The following NAALADL2 variants were observed in gnomAD, a reference collection of about 807,000 sequenced individuals.
NAALADL2 encodes the protein inactive N-acetylated-alpha-linked acidic dipeptidase-like protein 2.
A neutral mutation model predicts 87.2 loss-of-function variants in NAALADL2; 76 were observed. The observed-to-expected ratio is 0.87, with a 90% CI of 0.72 to 1.05. NAALADL2 has a LOEUF of 1.05. Ranked by LOEUF, NAALADL2 falls within the 50% of genes least tolerant of loss-of-function variation. The probability of loss-of-function intolerance (pLI) is 0.00; values close to 1 mark genes in which losing one functional copy is unlikely to be tolerated. For missense variants in NAALADL2, 1,089 were observed against 945.8 expected, an observed-to-expected ratio of 1.15 and a Z score of -1.99; for synonymous variants, 354 against 331.0, an observed-to-expected ratio of 1.07 and a Z score of -0.75.
At chr3:174,636,412 G>A (rs1035884839) in intron 2 of NAALADL2, among the ~76,000 whole-genome samples, 4 of 152,082 alleles carry the variant, frequency 2.6e-5, no homozygotes, top group African/African-American at 4.8e-5. Flanking sequence ...AACCTATTGA[G>A]TGGGAGAAAA....
In NAALADL2 at chr3:175,806,597, C is replaced by A. The variant is rs1318277047; in HGVS notation, c.*3394C>A. The A allele has an allele frequency of 6.6e-6, 1 of 151,340 alleles. No homozygotes were observed. Among genetic ancestry groups the A allele is most frequent in the Non-Finnish European group, 1.5e-5 (1 of 67,728 alleles). 9.4% of individuals were successfully genotyped at this position (151,340 alleles called of 1,614,324 possible). ...TCATTATGAGAAAAGAAAAGTGGAC[C>A]CATTTTATCTCTAAGAAAACAATTC... On this transcript the variant is annotated 3_prime_UTR_variant, in exon 14 of 14. Coordinates refer to ENST00000454872, the MANE Select transcript of NAALADL2 (RefSeq NM_207015.3).
intron 1 of NAALADL2, among the ~76,000 whole-genome samples, chr3:174,460,707 CTT>C: frequency 6.6e-6 from 1 of 151,506 alleles, no homozygotes; most frequent in South Asian, 2.1e-4. Flanking sequence ...TTTTTTTTGA[CTT>C]TATACTACAT....
At chr3:174,509,569 T>C (rs1325330861) in intron 1 of NAALADL2, among the ~76,000 whole-genome samples, 5 of 13,670 alleles carry the variant, frequency 3.7e-4, no homozygotes, top group Non-Finnish European at 6.2e-4. Flanking sequence ...ACCCAGCTAA[T>C]TTTTTTTTTT....
At chr3:174,647,344 CT>C (rs1723898670) in intron 2 of NAALADL2, among the ~76,000 whole-genome samples, 1 of 152,152 alleles carries the variant, frequency 6.6e-6, no homozygotes, top group Non-Finnish European at 1.5e-5. Flanking sequence ...GATGCCTGCA[CT>C]GGCTTTGGAA....
chr3:175,292,045 G>A (rs1755702180), intron 4 of NAALADL2, among the ~76,000 whole-genome samples: 1 of 152,152 alleles, frequency 6.6e-6, no homozygotes, highest in African/African-American at 2.4e-5. Context: ...TTCAGAGAAT[G>A]CCATTTGAAA....
chr3:175,037,906 T>A (rs1303857450), intron 1 of NAALADL2, among the ~76,000 whole-genome samples: 1 of 152,140 alleles, frequency 6.6e-6, no homozygotes, highest in African/African-American at 2.4e-5. Context: ...TACTAATGAA[T>A]GAAGCCTCTG....
intron 2 of NAALADL2, among the ~76,000 whole-genome samples, chr3:174,659,991 A>C (rs921624754): frequency 6.6e-6 from 1 of 152,124 alleles, no homozygotes; most frequent in African/African-American, 2.4e-5. Context: ...TCTTGAGGCA[A>C]AATTTTGAAA....
At chr3:175,169,170 T>G (rs1279060899) in intron 2 of NAALADL2, among the ~76,000 whole-genome samples, 1 of 151,768 alleles carries the variant, frequency 6.6e-6, no homozygotes, top group Non-Finnish European at 1.5e-5. Flanking sequence ...TTTAATAATA[T>G]TGGAGACGTA....
chr3:175,465,184 G>A (rs951762364), intron 7 of NAALADL2, among the ~76,000 whole-genome samples: 4 of 151,348 alleles, frequency 2.6e-5, no homozygotes, highest in African/African-American at 4.9e-5. Context: ...CCCGGGAGGC[G>A]GAGCTTGCAG....
chr3:174,605,461 C>T (rs894723106), intron 2 of NAALADL2, among the ~76,000 whole-genome samples: 20 of 152,320 alleles, frequency 1.3e-4, no homozygotes, highest in Middle Eastern at 6.8e-3. Flanking sequence ...GTCACTCCCA[C>T]CCGAATACTG....
chr3:174,901,166 A>G (rs566946833), intron 1 of NAALADL2, among the ~76,000 whole-genome samples: 3 of 152,306 alleles, frequency 2.0e-5, no homozygotes, highest in African/African-American at 7.2e-5. Context: ...TCATTAACAT[A>G]TGTTTGAGAG....
chr3:175,673,305 A>G (rs1310296935), intron 11 of NAALADL2, among the ~76,000 whole-genome samples: 1 of 152,154 alleles, frequency 6.6e-6, no homozygotes, highest in Non-Finnish European at 1.5e-5. Flanking sequence ...CTGCCAAATT[A>G]AGGGAGAGTC....
intron 3 of NAALADL2, among the ~76,000 whole-genome samples, chr3:174,853,985 A>G (rs1204293805): frequency 6.6e-6 from 1 of 152,044 alleles, no homozygotes; most frequent in East Asian, 1.9e-4. Flanking sequence ...TCCTCAAAAA[A>G]GCAAAAATAA....
At chr3:174,646,886 A>G (rs1221301252) in intron 2 of NAALADL2, among the ~76,000 whole-genome samples, 1 of 152,124 alleles carries the variant, frequency 6.6e-6, no homozygotes, top group Non-Finnish European at 1.5e-5. Context: ...TTTTAACATA[A>G]ATGTATTGGA....
intron 1 of NAALADL2, among the ~76,000 whole-genome samples, chr3:174,504,053 C>A (rs972124742): frequency 3.9e-5 from 6 of 152,018 alleles, no homozygotes; most frequent in African/African-American, 1.4e-4. Flanking sequence ...ATAAGCTGTT[C>A]TACAAAAGCA....
chr3:174,877,684 G>C (rs1049881097), intron 1 of NAALADL2, among the ~76,000 whole-genome samples: 6 of 152,070 alleles, frequency 3.9e-5, no homozygotes, highest in Non-Finnish European at 7.4e-5. Flanking sequence ...AGTATTTGAA[G>C]ACAGGTGATG....
chr3:174,856,000 ATAT>A (rs1725829010), upstream of NAALADL2, among the ~76,000 whole-genome samples: 4 of 135,518 alleles, frequency 3.0e-5, no homozygotes, highest in African/African-American at 8.3e-5. Context: ...ATATATATAT[ATAT>A]GAGAGAGAGA....
intron 3 of NAALADL2, among the ~76,000 whole-genome samples, chr3:174,754,197 A>C (rs1345836427): frequency 6.6e-6 from 1 of 152,218 alleles, no homozygotes; most frequent in East Asian, 1.9e-4. Context: ...AGGGATTCTA[A>C]TGAGAAACTG....
intron 3 of NAALADL2, among the ~76,000 whole-genome samples, chr3:174,773,195 A>T: frequency 6.6e-6 from 1 of 152,178 alleles, no homozygotes; most frequent in Non-Finnish European, 1.5e-5. Context: ...GTCCTTGGAG[A>T]GACCAAAGTG....
Sources: gnomAD v4.1 joint callset for allele counts (sites outside exome capture counted in the v4.1 genomes callset) on GRCh38, gnomAD v4.1.1 for gene constraint, MANE v1.5 for transcripts, NCBI Gene and HGNC (gene_info 2026-07-23, HGNC 2026-07-21) for gene names.